KCNMA1: variants seen among roughly 807,000 people sequenced by gnomAD.
The protein encoded by KCNMA1 is Calcium-activated potassium channel subunit alpha-1.
In KCNMA1, 29 loss-of-function variants were observed where a neutral mutation model predicts 140.0. The observed-to-expected ratio is 0.21, with a 90% confidence interval of 0.15 to 0.28. KCNMA1 has a LOEUF of 0.28. KCNMA1 is among the 10% of genes least tolerant of loss of function. The pLI, the probability that KCNMA1 is intolerant of heterozygous loss-of-function variation, is 1.00. For missense variants in KCNMA1, 880 were observed against 1,602.2 expected (o/e 0.55, Z 7.70); for synonymous variants, 612 against 611.9 (o/e 1.00, Z 0.00).
At chr10:77,124,147 T>G (rs2097685159) in intron 5 of KCNMA1, among the ~76,000 whole-genome samples, 1 of 152,226 alleles carries the variant, frequency 6.6e-6, no homozygotes, top group African/African-American at 2.4e-5. Flanking sequence ...CATTTAGTGT[T>G]TAATCCTGAA....
chr10:77,447,550 T>C (rs987440270), intron 1 of KCNMA1, among the ~76,000 whole-genome samples: 21 of 152,252 alleles, frequency 1.4e-4, no homozygotes, highest in African/African-American at 5.1e-4. Context: ...TCACAGCAGC[T>C]GCTGATCAGG....
chr10:77,416,015 C>T (rs1326042163), intron 1 of KCNMA1, among the ~76,000 whole-genome samples: 1 of 152,182 alleles, frequency 6.6e-6, no homozygotes, highest in Admixed American at 6.5e-5. Context: ...AAATAAAAAG[C>T]TGGTGGCCTT....
chr10:77,252,889 AAAC>A (rs1362856753), intron 2 of KCNMA1, among the ~76,000 whole-genome samples: 2 of 152,088 alleles, frequency 1.3e-5, no homozygotes, highest in Non-Finnish European at 2.9e-5. Flanking sequence ...TTAAAAAAAA[AAAC>A]AACTAAAACA....
At chr10:77,110,374 A>T (rs1320790035) in intron 7 of KCNMA1, 31 bp from the exon 8 acceptor site, 5 of 1,588,258 alleles carry the variant, frequency 3.1e-6, no homozygotes, top group Non-Finnish European at 4.3e-6. Flanking sequence ...GAGAAAAAAG[A>T]AAAACATGCT....
chr10:77,246,586 T>A (rs2058588361), intron 3 of KCNMA1, among the ~76,000 whole-genome samples: 1 of 152,232 alleles, frequency 6.6e-6, no homozygotes, highest in Admixed American at 6.5e-5. Context: ...GTGCCAGTTT[T>A]ATTTTCAGAG....
chr10:77,339,829 C>T (rs993436359), intron 2 of KCNMA1, among the ~76,000 whole-genome samples: 3 of 152,252 alleles, frequency 2.0e-5, no homozygotes, highest in African/African-American at 7.2e-5. Context: ...CAGGAGGGAA[C>T]AGCTTAACCT....
chr10:77,214,676 T>TGTCA (rs1355799453), intron 3 of KCNMA1, among the ~76,000 whole-genome samples: 3 of 152,164 alleles, frequency 2.0e-5, no homozygotes, highest in Non-Finnish European at 4.4e-5. Context: ...GCAACATCCC[T>TGTCA]GTCACAAACT....
chr10:77,543,180 A>G (rs188268149), intron 1 of KCNMA1, among the ~76,000 whole-genome samples: 2 of 152,292 alleles, frequency 1.3e-5, no homozygotes, highest in Admixed American at 1.3e-4. Flanking sequence ...GCCCTGGAAC[A>G]GCACATTTAA....
chr10:77,578,020 G>C (rs750497194), intron 1 of KCNMA1, among the ~76,000 whole-genome samples: 5 of 152,220 alleles, frequency 3.3e-5, no homozygotes, highest in Non-Finnish European at 5.9e-5. Context: ...CCTAGGACTG[G>C]AGCTAAATTA....
rs979274585 is a variant in KCNMA1 at position 77,636,842 on chromosome 10, C to T, written c.378+423G>A. 1.0e-5 allele frequency: 15 copies of T among 1,430,702 alleles called. No homozygotes were observed. The East Asian group carries it at 2.0e-4, about 19-fold the overall frequency. The allele number at this position is 1,430,702 out of a possible 1,614,324, so 88.6% of individuals were successfully genotyped here. ...AAGTATGGGCGGATGTGCTCCCTCT[C>T]GCCCACCGCCAGGAGCCGAGCCCCG... On this transcript the variant is annotated intron_variant, in intron 1 of 27. Transcript: ENST00000286628.
chr10:77,637,205 A>C, intron 1 of KCNMA1, 60 bp downstream of exon 1: 1 of 1,464,632 alleles, frequency 6.8e-7, no homozygotes, highest in South Asian at 1.2e-5. Context: ...GGTGGGCTGC[A>C]GGGGACGCCG....
At chr10:77,579,750 G>A (rs2619612) in intron 1 of KCNMA1, among the ~76,000 whole-genome samples, 47,925 of 151,886 alleles carry the variant, frequency 0.32, 8,040 homozygotes, top group Non-Finnish European at 0.39. Context: ...CCAGAGGCTG[G>A]GAGACCCTCA....
chr10:77,623,808 T>C (rs890498926), intron 1 of KCNMA1, among the ~76,000 whole-genome samples: 1 of 152,192 alleles, frequency 6.6e-6, no homozygotes, highest in Admixed American at 6.5e-5. Context: ...TATTTTTGCC[T>C]GGATTGCAGC....
chr10:77,520,120 CGGGGTATG>C (rs2052524170), intron 1 of KCNMA1, among the ~76,000 whole-genome samples: 14 of 5,326 alleles, frequency 2.6e-3, no homozygotes, highest in East Asian at 5.1e-3. Context: ...GTGTGAGGTC[CGGGGTATG>C]CAGTGTGAGG....
chr10:76,973,304 T>C (rs1482596838), intron 19 of KCNMA1: 1 of 152,484 alleles, frequency 6.6e-6, no homozygotes, highest in African/African-American at 2.4e-5. Context: ...CAAGTACTCA[T>C]AAAATTCAAG....
chr10:77,627,759 A>C (rs957369429), intron 1 of KCNMA1, among the ~76,000 whole-genome samples: 3 of 152,198 alleles, frequency 2.0e-5, no homozygotes, highest in African/African-American at 7.2e-5. Flanking sequence ...AAACAGAAAG[A>C]TCTTTCCAAG....
At chr10:77,023,814 A>G (rs1028143738) in intron 16 of KCNMA1, among the ~76,000 whole-genome samples, 1 of 152,104 alleles carries the variant, frequency 6.6e-6, no homozygotes, top group African/African-American at 2.4e-5. Context: ...AGACACACAC[A>G]CTTTTACTTT....
chr10:77,298,456 C>T (rs1043152634), intron 2 of KCNMA1, among the ~76,000 whole-genome samples: 8 of 152,064 alleles, frequency 5.3e-5, no homozygotes, highest in East Asian at 1.9e-4. Flanking sequence ...TGGCCAGGCT[C>T]GTCTCGAACT....
chr10:77,073,692 G>A (rs1481669542), intron 13 of KCNMA1, among the ~76,000 whole-genome samples: 1 of 152,178 alleles, frequency 6.6e-6, no homozygotes, highest in Non-Finnish European at 1.5e-5. Flanking sequence ...GCGGGCATCA[G>A]AATCACCTGT....
Sources: gnomAD v4.1 joint callset for allele counts (sites outside exome capture counted in the v4.1 genomes callset) on GRCh38, gnomAD v4.1.1 for gene constraint, MANE v1.5 for transcripts, NCBI Gene and HGNC (gene_info 2026-07-23, HGNC 2026-07-21) for gene names.